Variants in NR4A3 observed in about 807,000 individuals in gnomAD.
NR4A3 encodes the protein nuclear receptor subfamily 4 group A member 3, also known as chondrosarcoma, extraskeletal myxoid, fused to EWS.
In NR4A3, 13 loss-of-function variants were observed where a neutral mutation model predicts 55.6. The ratio of observed to expected loss-of-function variants is 0.23; its 90% CI spans 0.15 to 0.37. NR4A3 has a LOEUF of 0.37. Ranked by LOEUF, NR4A3 falls within the 10% of genes least tolerant of loss-of-function variation. The pLI, the probability that NR4A3 is intolerant of heterozygous loss-of-function variation, is 1.00. For missense variants in NR4A3, 646 were observed against 822.8 expected (o/e 0.79, Z 2.63); for synonymous variants, 342 against 357.9 (o/e 0.96, Z 0.50).
chr9:99,830,827 T>C (rs1360058408), intron 3 of NR4A3, among the ~76,000 whole-genome samples: 4 of 152,172 alleles, frequency 2.6e-5, no homozygotes, highest in Admixed American at 1.3e-4. Flanking sequence ...AATCTACAAA[T>C]ATAATTATCT....
In NR4A3 at chr9:99,822,978, AG is replaced by A. The variant is rs1827211804; in HGVS notation, c.-177+574del. Among the ~76,000 whole-genome samples the A allele has an allele frequency of 6.6e-6, 1 of 152,188 alleles. No homozygotes were observed. Among genetic ancestry groups the A allele is most frequent in the Admixed American group, 6.5e-5 (1 of 15,272 alleles). ...ACGCACTCGGAGGACCTCAGGAAAG[AG>A]GGCGTAATTGTAGGAATGTGGCTTA... On this transcript the variant is annotated intron_variant, in intron 1 of 7. Transcript: ENST00000395097. This position sits in a 1 kb window ranked among gnomAD's most constrained non-coding sequence, Gnocchi z 4.9.
intron 5 of NR4A3, among the ~76,000 whole-genome samples, chr9:99,841,884 C>T (rs1827656457): frequency 6.6e-6 from 1 of 152,096 alleles, no homozygotes; most frequent in Non-Finnish European, 1.5e-5. Context: ...GTGGGAGGAT[C>T]GCCTCAGCTG....
chr9:99,850,895 A>G (rs1827837773), intron 7 of NR4A3, among the ~76,000 whole-genome samples: 1 of 152,036 alleles, frequency 6.6e-6, no homozygotes, highest in South Asian at 2.1e-4. Flanking sequence ...GCCTTCCCCT[A>G]CCCCTTGGAA....
chr9:99,849,529 G>C (rs1373380563), intron 7 of NR4A3, among the ~76,000 whole-genome samples: 1 of 152,126 alleles, frequency 6.6e-6, no homozygotes, highest in Non-Finnish European at 1.5e-5. Context: ...CATCAGGACT[G>C]GAAGGAAACT....
At chr9:99,849,938 A>G (rs923978337) in intron 7 of NR4A3, among the ~76,000 whole-genome samples, 1 of 152,242 alleles carries the variant, frequency 6.6e-6, no homozygotes, top group Non-Finnish European at 1.5e-5. Context: ...TGGTCTTCTC[A>G]GAAGAGATCA....
Position 99,847,673 on chromosome 9 carries a change from G to A in NR4A3, c.1633+58G>A, listed in dbSNP as rs796290466. The A allele has an allele frequency of 5.2e-6, 8 of 1,550,158 alleles. No homozygotes were observed. In the South Asian group the frequency reaches 7.0e-5, roughly 14 times the overall value. On this transcript the variant is annotated intron_variant, in intron 7 of 7. Coordinates refer to ENST00000395097, the MANE Select transcript of NR4A3 (RefSeq NM_006981.4). ...TTTCTCTCCTTCCCTTTGTTATGGT[G>A]GAATCTGGCCTTGACCACTACACAC... is the stretch of plus-strand genomic sequence containing the variant.
intron 3 of NR4A3, among the ~76,000 whole-genome samples, chr9:99,830,485 C>T (rs1261383167): frequency 1.3e-5 from 2 of 151,342 alleles, no homozygotes; most frequent in African/African-American, 4.8e-5. Context: ...CAACAAGCAA[C>T]AATTATTTTT....
chr9:99,847,629 T>C lies in NR4A3; in HGVS notation c.1633+14T>C. 1 of 1,611,468 alleles carries C rather than the reference T, an allele frequency of 6.2e-7. No homozygotes were observed. Among genetic ancestry groups the C allele is most frequent in the Non-Finnish European group, 8.5e-7 (1 of 1,178,268 alleles). On this transcript the variant is annotated intron_variant, in intron 7 of 7. Transcript: ENST00000395097. ...GCATGATCACAGGTAAGCACCACCT[T>C]GCCAAAACCGCATCCTCATTTCTCT...
chr9:99,863,278 G>A (rs984511177), intron 7 of NR4A3, among the ~76,000 whole-genome samples: 26 of 152,304 alleles, frequency 1.7e-4, no homozygotes, highest in African/African-American at 5.5e-4. Context: ...CCATGTGGCT[G>A]TGTGCCAGGA....
chr9:99,849,771 C>G lies in NR4A3; in HGVS notation c.1633+2156C>G, dbSNP rs1348833545. On this transcript the variant is annotated intron_variant, in intron 7 of 7. Transcript: ENST00000395097. ...AGTTAATCAACAAATATTCACTGACCTAGGCACCATGCTGCATGTCATTGG... is the reference window on the plus strand; with the variant it reads ...AGTTAATCAACAAATATTCACTGACGTAGGCACCATGCTGCATGTCATTGG... Among the ~76,000 whole-genome samples the G allele has an allele frequency of 2.6e-5, 4 of 152,228 alleles. No individual in the cohort carries two copies. In the East Asian group the frequency reaches 7.7e-4, roughly 29 times the overall value.
chr9:99,849,697 A>G (rs952464209), intron 7 of NR4A3, among the ~76,000 whole-genome samples: 1 of 152,254 alleles, frequency 6.6e-6, no homozygotes, highest in Non-Finnish European at 1.5e-5. Context: ...GATTCCTACA[A>G]GTAAAAGCAG....
chr9:99,825,790 G>A lies in NR4A3; in HGVS notation c.-45G>A, dbSNP rs984802558. On this transcript the variant is annotated 5_prime_UTR_variant, in exon 2 of 8. Transcript: ENST00000395097. The surrounding 1 kb of genome is among the most constrained non-coding windows in gnomAD (Gnocchi z 5.0). ...TCCTACACTCTCAGCCTCCGCTGGAGAGACCCCCAGCCCCACCATTCAGCG... is the reference window on the plus strand; with the variant it reads ...TCCTACACTCTCAGCCTCCGCTGGAAAGACCCCCAGCCCCACCATTCAGCG... The A allele has an allele frequency of 5.9e-6, 1 of 170,334 alleles. No individual in the cohort carries two copies. Among genetic ancestry groups the A allele is most frequent in the Non-Finnish European group, 1.3e-5 (1 of 78,222 alleles). The allele number at this position is 170,334 out of a possible 1,614,324, so 10.6% of individuals were successfully genotyped here.
intron 1 of NR4A3, among the ~76,000 whole-genome samples, chr9:99,823,356 A>G (rs1827220107): frequency 6.6e-6 from 1 of 152,126 alleles, no homozygotes; most frequent in African/African-American, 2.4e-5. Flanking sequence ...AGTGGTGAGG[A>G]AGAACGCATT....
intron 7 of NR4A3, among the ~76,000 whole-genome samples, chr9:99,855,636 C>A (rs7032280): frequency 1.3e-5 from 2 of 152,108 alleles, no homozygotes; most frequent in African/African-American, 4.8e-5. Context: ...CTTGACTTGT[C>A]GCTTCCTGAC....
intron 3 of NR4A3, among the ~76,000 whole-genome samples, chr9:99,830,418 T>C (rs1002007553): frequency 6.6e-6 from 1 of 152,260 alleles, no homozygotes; most frequent in East Asian, 1.9e-4. Flanking sequence ...TAGTTCATTA[T>C]TAAACAAAAG....
At position 99,863,726 on chromosome 9, in the gene NR4A3, G is replaced by A; in HGVS notation, c.1740G>A (p.Glu580=). Residue 580 remains glutamate (E), a synonymous_variant, in exon 8 of 8, where the codon GAG becomes GAA. Coordinates refer to ENST00000395097, the MANE Select transcript of NR4A3 (RefSeq NM_006981.4). ...AGGGACAGGCTCTGGAGCCCACCGA[G>A]TCCAAGGTCCTGGGTGCCCTGGTAG... ...QSKGQALEPT[E]SKVLGALVEL... 1.2e-6 allele frequency: 2 copies of A among 1,613,992 alleles called. No homozygotes were observed. Among genetic ancestry groups the A allele is most frequent in the African/African-American group, 1.3e-5 (1 of 75,052 alleles).
At chr9:99,829,041 A>G in intron 3 of NR4A3, 48 bp downstream of exon 3, 1 of 1,301,698 alleles carries the variant, frequency 7.7e-7, no homozygotes, top group Non-Finnish European at 9.8e-7. Context: ...CCCTCACTGA[A>G]GGGAGCTTCT....
chr9:99,846,970 G>C (rs7046311), intron 6 of NR4A3, among the ~76,000 whole-genome samples: 9,045 of 152,224 alleles, frequency 0.059, 892 homozygotes, highest in African/African-American at 0.2. Flanking sequence ...TTTTTAAAGT[G>C]TGCACAATGG....
rs1828086164 is a variant in NR4A3 at position 99,865,756 on chromosome 9, C to T, written c.*1889C>T. The T allele has an allele frequency of 4.8e-6, 1 of 207,788 alleles. No homozygotes were observed. Among genetic ancestry groups the T allele is most frequent in the Non-Finnish European group, 9.8e-6 (1 of 101,860 alleles). The allele number at this position is 207,788 out of a possible 1,614,324, so 12.9% of individuals were successfully genotyped here. ...GCAAAGTATAACCCAGATAGGAAATCATATGTTTTTTTCCAAGAGTCATTC... is the reference window on the plus strand; with the variant it reads ...GCAAAGTATAACCCAGATAGGAAATTATATGTTTTTTTCCAAGAGTCATTC... On this transcript the variant is annotated 3_prime_UTR_variant, in exon 8 of 8. Transcript: ENST00000395097. This position sits in a 1 kb window ranked among gnomAD's most constrained non-coding sequence, Gnocchi z 4.3.
Sources: gnomAD v4.1 joint callset for allele counts (sites outside exome capture counted in the v4.1 genomes callset) on GRCh38, gnomAD v4.1.1 for gene constraint, Gnocchi (gnomAD v3.1) non-coding constraint, MANE v1.5 for transcripts, NCBI Gene and HGNC (gene_info 2026-07-23, HGNC 2026-07-21) for gene names.